Variants in PIK3C2G observed in about 807,000 individuals in gnomAD.
PIK3C2G encodes the protein phosphatidylinositol-4-phosphate 3-kinase catalytic subunit type 2 gamma.
Under a neutral mutation model 181.1 loss-of-function variants are expected in PIK3C2G, and 168 were observed. The ratio of observed to expected loss-of-function variants is 0.93; its 90% CI spans 0.82 to 1.05. The LOEUF (loss-of-function observed/expected upper bound fraction) is 1.05. Among genes scored for constraint, PIK3C2G ranks in the 50% least tolerant of loss-of-function variants. The pLI is 0.00. For missense variants in PIK3C2G, 1,869 were observed against 1,732.8 expected (o/e 1.08, Z -1.40); for synonymous variants, 573 against 592.2 (o/e 0.97, Z 0.47).
At chr12:18,319,718 T>C (rs945928228) in intron 6 of PIK3C2G, among the ~76,000 whole-genome samples, 1 of 152,212 alleles carries the variant, frequency 6.6e-6, no homozygotes, top group African/African-American at 2.4e-5. Context: ...AAGTGCCAAA[T>C]ATTACAGTTC....
chr12:18,595,621 T>C (rs1479389193), intron 30 of PIK3C2G, among the ~76,000 whole-genome samples: 1 of 152,136 alleles, frequency 6.6e-6, no homozygotes, highest in Non-Finnish European at 1.5e-5. Flanking sequence ...AATTCAATCA[T>C]CTCTCTTCTC....
At chr12:18,300,503 T>C (rs1950130469) in intron 5 of PIK3C2G, among the ~76,000 whole-genome samples, 1 of 152,086 alleles carries the variant, frequency 6.6e-6, no homozygotes, top group Admixed American at 6.5e-5. Flanking sequence ...TCAGTCTATA[T>C]GTGTCTTTAT....
intron 18 of PIK3C2G, among the ~76,000 whole-genome samples, chr12:18,475,412 T>C (rs1032956113): frequency 6.0e-5 from 6 of 99,738 alleles, no homozygotes; most frequent in African/African-American, 1.4e-4. Flanking sequence ...ACACACACCA[T>C]TTTTTTCTTA....
At chr12:18,704,766 G>C in the PIK3C2G span, among the ~76,000 whole-genome samples, 2,096 of 152,240 alleles carry the variant, frequency 0.014, 68 homozygotes, top group African/African-American at 0.049. Flanking sequence ...AAATTGAAAA[G>C]AGTAGATTTT....
chr12:18,336,263 A>C (rs1189107907), intron 8 of PIK3C2G, among the ~76,000 whole-genome samples: 6 of 152,182 alleles, frequency 3.9e-5, no homozygotes, highest in African/African-American at 1.4e-4. Flanking sequence ...GAGGGAGTCT[A>C]GGTACATGAA....
intron 31 of PIK3C2G, among the ~76,000 whole-genome samples, chr12:18,620,277 T>A (rs1334682883): frequency 2.0e-5 from 3 of 152,170 alleles, no homozygotes; most frequent in Non-Finnish European, 4.4e-5. Context: ...TAATGTTGCA[T>A]ACAAATTTAA....
intron 18 of PIK3C2G, among the ~76,000 whole-genome samples, chr12:18,461,134 A>G (rs1477656051): frequency 6.6e-6 from 1 of 152,152 alleles, no homozygotes; most frequent in Non-Finnish European, 1.5e-5. Flanking sequence ...GGTGCATTAT[A>G]GATATTGTGA....
At chr12:18,581,724 T>C (rs1946510599) in intron 29 of PIK3C2G, among the ~76,000 whole-genome samples, 1 of 152,154 alleles carries the variant, frequency 6.6e-6, no homozygotes, top group Non-Finnish European at 1.5e-5. Context: ...ATCTCAAGTT[T>C]AGGGGGGAAG....
At chr12:18,281,499 G>C (rs531342616) in intron 1 of PIK3C2G, among the ~76,000 whole-genome samples, 8 of 151,850 alleles carry the variant, frequency 5.3e-5, no homozygotes, top group African/African-American at 1.4e-4. Flanking sequence ...AGTATAAAAG[G>C]CTCTGCAATT....
At chr12:18,250,085 C>T (rs1215298949) in intron 1 of PIK3C2G, among the ~76,000 whole-genome samples, 1 of 152,014 alleles carries the variant, frequency 6.6e-6, no homozygotes, top group Non-Finnish European at 1.5e-5. Context: ...CTGATTTTCT[C>T]CTGTCTCAAG....
intron 18 of PIK3C2G, among the ~76,000 whole-genome samples, chr12:18,444,472 C>T (rs906211474): frequency 2.0e-5 from 3 of 152,130 alleles, no homozygotes; most frequent in African/African-American, 7.2e-5. Context: ...CAAAATCAGG[C>T]AGACCACAAA....
chr12:18,501,233 G>T (rs1026218010), intron 22 of PIK3C2G, among the ~76,000 whole-genome samples: 4 of 152,204 alleles, frequency 2.6e-5, no homozygotes, highest in Non-Finnish European at 5.9e-5. Flanking sequence ...AGTTCCACAT[G>T]GCTGGGGAGG....
In PIK3C2G at chr12:18,289,870, T is replaced by A. The variant is rs1949613869; in HGVS notation, c.762-985T>A. 2.5e-5 allele frequency among the ~76,000 whole-genome samples: 3 copies of A among 120,042 alleles called. No homozygotes were observed. In the South Asian group the frequency reaches 9.6e-4, roughly 38 times the overall value. 78.8% of individuals were successfully genotyped at this position (120,042 alleles called of 152,430 possible). ...TAGGTAGAGAACCATGAGGTTTAGA[T>A]GTCAGCATAGTTAACATAAAAAAAA... On this transcript the variant is annotated intron_variant, in intron 3 of 32. Coordinates refer to ENST00000538779, the MANE Select transcript of PIK3C2G (RefSeq NM_001288772.2).
At chr12:18,465,132 T>C (rs1937718399) in intron 18 of PIK3C2G, among the ~76,000 whole-genome samples, 1 of 151,952 alleles carries the variant, frequency 6.6e-6, no homozygotes, top group South Asian at 2.1e-4. Context: ...AAAGAATTGT[T>C]ACAGCCCTTT....
chr12:18,484,208 C>T (rs925717035), intron 18 of PIK3C2G, among the ~76,000 whole-genome samples: 2 of 150,622 alleles, frequency 1.3e-5, no homozygotes, highest in African/African-American at 5.0e-5. Flanking sequence ...GAGGTATAAT[C>T]TTCTACAAAG....
the PIK3C2G span, chr12:18,696,074 G>A: frequency 7.4e-6 from 6 of 811,548 alleles, no homozygotes; most frequent in South Asian, 1.5e-5. Context: ...CCCTTTTCAC[G>A]AGTTTTTCAT....
At chr12:18,250,264 C>A (rs1301334826) in intron 1 of PIK3C2G, among the ~76,000 whole-genome samples, 1 of 151,132 alleles carries the variant, frequency 6.6e-6, no homozygotes, top group Non-Finnish European at 1.5e-5. Flanking sequence ...TTAATTGTAC[C>A]AACAGAAAAA....
the PIK3C2G span, chr12:18,693,833 T>A: frequency 2.2e-5 from 33 of 1,529,760 alleles, no homozygotes; most frequent in Middle Eastern, 2.3e-4. Flanking sequence ...GAAGATTGAG[T>A]TCCCCCTGCC....
At chr12:18,370,964 T>A (rs1175308409) in intron 12 of PIK3C2G, among the ~76,000 whole-genome samples, 1 of 152,174 alleles carries the variant, frequency 6.6e-6, no homozygotes, top group African/African-American at 2.4e-5. Flanking sequence ...CATGTCAACA[T>A]TATCAGGAAT....
Sources: gnomAD v4.1 joint callset for allele counts (sites outside exome capture counted in the v4.1 genomes callset) on GRCh38, gnomAD v4.1.1 for gene constraint, MANE v1.5 for transcripts, NCBI Gene and HGNC (gene_info 2026-07-23, HGNC 2026-07-21) for gene names.